ATRNL1: variants seen among roughly 807,000 people sequenced by gnomAD.
ATRNL1 encodes attractin-like protein 1.
A neutral mutation model predicts 182.7 loss-of-function variants in ATRNL1; 95 were observed. The ratio of observed to expected loss-of-function variants is 0.52; its 90% CI spans 0.44 to 0.62. ATRNL1 has a LOEUF of 0.62. Ranked by LOEUF, ATRNL1 falls within the 20% of genes least tolerant of loss-of-function variation. The pLI is 0.00. For missense variants in ATRNL1, 1,471 were observed against 1,679.5 expected, an observed-to-expected ratio of 0.88 and a Z score of 2.17; for synonymous variants, 576 against 568.3, an observed-to-expected ratio of 1.01 and a Z score of -0.19.
At position 115,313,037 on chromosome 10, in the gene ATRNL1, G is replaced by GT. The variant is rs1184575235; in HGVS notation, c.2819-2474dup. ...AAAATTTTTATTTATATCCTGAATT[G>GT]TTTTTTTACATTTTCTTATGTTGGT... On this transcript the variant is annotated intron_variant, in intron 17 of 28. Transcript: ENST00000355044. Among the ~76,000 whole-genome samples the GT allele has an allele frequency of 5.9e-5, 9 of 151,404 alleles. No individual in the cohort carries two copies. In the East Asian group the frequency reaches 7.9e-4, roughly 13 times the overall value.
At chr10:115,665,908 A>G (rs1370139530) in intron 26 of ATRNL1, among the ~76,000 whole-genome samples, 1 of 152,134 alleles carries the variant, frequency 6.6e-6, no homozygotes, top group Non-Finnish European at 1.5e-5. Context: ...GACTCATTAA[A>G]TGTTAAGGAT....
chr10:115,599,704 A>G (rs1192855056), intron 26 of ATRNL1, among the ~76,000 whole-genome samples: 1 of 152,216 alleles, frequency 6.6e-6, no homozygotes. Flanking sequence ...TGGAATGACT[A>G]ACAAAATAGT....
chr10:115,182,899 G>T (rs999220580), intron 8 of ATRNL1, among the ~76,000 whole-genome samples: 1 of 150,934 alleles, frequency 6.6e-6, no homozygotes, highest in Non-Finnish European at 1.5e-5. Flanking sequence ...TACACGATAG[G>T]ATAAAAAATA....
chr10:115,365,378 AT>A (rs1193840926), intron 19 of ATRNL1, among the ~76,000 whole-genome samples: 8 of 150,398 alleles, frequency 5.3e-5, no homozygotes, highest in African/African-American at 2.0e-4. Context: ...CCCCTTTATC[AT>A]TTTTTATTGT....
intron 21 of ATRNL1, among the ~76,000 whole-genome samples, chr10:115,434,013 A>G (rs1846286901): frequency 6.6e-6 from 1 of 152,018 alleles, no homozygotes; most frequent in Non-Finnish European, 1.5e-5. Flanking sequence ...TAAGCCATGT[A>G]CCCTAGTGTG....
intron 21 of ATRNL1, among the ~76,000 whole-genome samples, chr10:115,444,587 T>C (rs1001755672): frequency 6.6e-6 from 1 of 152,040 alleles, no homozygotes; most frequent in African/African-American, 2.4e-5. Context: ...TTCACCTTTT[T>C]TCTTTGCCAT....
intron 24 of ATRNL1, among the ~76,000 whole-genome samples, chr10:115,512,379 A>T (rs1554982856): frequency 6.6e-6 from 1 of 151,906 alleles, no homozygotes; most frequent in Non-Finnish European, 1.5e-5. Context: ...CACCTAATTG[A>T]GACACAATAA....
intron 27 of ATRNL1, among the ~76,000 whole-genome samples, chr10:115,775,504 A>AT (rs1949100873): frequency 6.6e-6 from 1 of 152,220 alleles, no homozygotes; most frequent in South Asian, 2.1e-4. Context: ...ATATAACAAA[A>AT]TTAACATGAA....
At chr10:115,334,677 G>GA (rs1278707092) in intron 19 of ATRNL1, among the ~76,000 whole-genome samples, 1 of 151,816 alleles carries the variant, frequency 6.6e-6, no homozygotes, top group African/African-American at 2.4e-5. Flanking sequence ...ATAAATAAAA[G>GA]AAAAAACACC....
chr10:115,605,758 A>G (rs534879034), intron 26 of ATRNL1, among the ~76,000 whole-genome samples: 1 of 152,112 alleles, frequency 6.6e-6, no homozygotes, highest in African/African-American at 2.4e-5. Context: ...TCATCAAAAT[A>G]TTCAAGCCAT....
intron 27 of ATRNL1, among the ~76,000 whole-genome samples, chr10:115,729,771 G>T (rs1947733208): frequency 6.6e-6 from 1 of 151,754 alleles, no homozygotes; most frequent in Admixed American, 6.6e-5. Flanking sequence ...ACTTCCCTCT[G>T]TTTCTCCTTC....
intron 8 of ATRNL1, among the ~76,000 whole-genome samples, chr10:115,184,783 A>G (rs1425297170): frequency 6.6e-6 from 1 of 151,952 alleles, no homozygotes; most frequent in African/African-American, 2.4e-5. Context: ...AAATGAACCC[A>G]ACTATGTTTC....
At chr10:115,097,442 C>T (rs115894234) in intron 1 of ATRNL1, among the ~76,000 whole-genome samples, 1,725 of 152,260 alleles carry the variant, frequency 0.011, 29 homozygotes, top group African/African-American at 0.039. Context: ...GCTGTAATCA[C>T]GCCACTGCGC....
At chr10:115,096,025 A>G (rs572617960) in intron 1 of ATRNL1, among the ~76,000 whole-genome samples, 2 of 152,340 alleles carry the variant, frequency 1.3e-5, no homozygotes. Flanking sequence ...CCCAGTTAAA[A>G]AGATCACAGA....
chr10:115,911,833 C>T (rs1202499625), intron 28 of ATRNL1, among the ~76,000 whole-genome samples: 1 of 152,186 alleles, frequency 6.6e-6, no homozygotes, highest in Non-Finnish European at 1.5e-5. Context: ...ACTTTCTCCC[C>T]TCAAGCCGCT....
intron 27 of ATRNL1, among the ~76,000 whole-genome samples, chr10:115,841,598 G>A (rs1358772233): frequency 1.3e-5 from 2 of 152,006 alleles, no homozygotes; most frequent in African/African-American, 4.8e-5. Flanking sequence ...TATTCTCTTT[G>A]AATTGGCTTC....
intron 3 of ATRNL1, among the ~76,000 whole-genome samples, chr10:115,123,187 C>A (rs1554872264): frequency 6.6e-6 from 1 of 152,116 alleles, no homozygotes; most frequent in African/African-American, 2.4e-5. Context: ...CTTGTTAGCC[C>A]TCCTAAGGGA....
intron 26 of ATRNL1, among the ~76,000 whole-genome samples, chr10:115,712,590 G>T (rs1156368134): frequency 6.6e-6 from 1 of 152,132 alleles, no homozygotes; most frequent in Non-Finnish European, 1.5e-5. Context: ...TTTGTGGCTG[G>T]GCGGAGTGGC....
intron 8 of ATRNL1, among the ~76,000 whole-genome samples, chr10:115,181,292 A>T (rs782630296): frequency 7.2e-5 from 11 of 151,904 alleles, no homozygotes; most frequent in Non-Finnish European, 1.3e-4. Flanking sequence ...AGATAAGAAC[A>T]TTGACAGCTG....
Sources: gnomAD v4.1 joint callset for allele counts (sites outside exome capture counted in the v4.1 genomes callset) on GRCh38, gnomAD v4.1.1 for gene constraint, MANE v1.5 for transcripts, NCBI Gene and HGNC (gene_info 2026-07-23, HGNC 2026-07-21) for gene names.